Variants in ADK observed in about 807,000 individuals in gnomAD.
ADK encodes the protein adenosine kinase.
A neutral mutation model predicts 44.7 loss-of-function variants in ADK; 24 were observed. That is an observed-to-expected ratio of 0.54 (90% confidence interval 0.39 to 0.76). The LOEUF (loss-of-function observed/expected upper bound fraction) is 0.76, where lower values mean the gene tolerates loss of function less well. ADK is among the 30% of genes least tolerant of loss of function. The probability of loss-of-function intolerance (pLI) is 0.00; values close to 1 mark genes in which losing one functional copy is unlikely to be tolerated. For synonymous variants in ADK, 128 were observed against 142.6 expected, an observed-to-expected ratio of 0.90 and a Z score of 0.73; for missense variants, 321 against 425.1, an observed-to-expected ratio of 0.76 and a Z score of 2.15.
At chr10:74,513,370 T>C (rs1036402607) in intron 6 of ADK, among the ~76,000 whole-genome samples, 1 of 152,182 alleles carries the variant, frequency 6.6e-6, no homozygotes, top group Admixed American at 6.5e-5. Context: ...CCAACTGTTA[T>C]TTCACTTTAG....
chr10:74,189,552 A>C (rs1272277650), intron 1 of ADK, among the ~76,000 whole-genome samples: 1 of 152,212 alleles, frequency 6.6e-6, no homozygotes, highest in Non-Finnish European at 1.5e-5. Flanking sequence ...ATAATTTATC[A>C]ATTAGGTCAG....
chr10:74,379,468 A>G (rs1357356552), intron 4 of ADK, among the ~76,000 whole-genome samples: 4 of 152,240 alleles, frequency 2.6e-5, no homozygotes, highest in South Asian at 2.1e-4. Context: ...AAAATCCTTC[A>G]GTGACATACT....
chr10:74,288,094 T>C (rs1350762203), intron 3 of ADK, among the ~76,000 whole-genome samples: 20 of 152,100 alleles, frequency 1.3e-4, no homozygotes, highest in Admixed American at 1.3e-3. Context: ...GCAAAGACAG[T>C]ATGGCTCTTT....
At chr10:74,387,020 T>A (rs1346871687) in intron 4 of ADK, among the ~76,000 whole-genome samples, 1 of 151,756 alleles carries the variant, frequency 6.6e-6, no homozygotes, top group African/African-American at 2.4e-5. Flanking sequence ...CACTGCAGCC[T>A]CCACCTCCTG....
intron 6 of ADK, among the ~76,000 whole-genome samples, chr10:74,414,071 T>A (rs1173682636): frequency 6.6e-6 from 1 of 152,218 alleles, no homozygotes; most frequent in Non-Finnish European, 1.5e-5. Flanking sequence ...ATATCATAGA[T>A]CAGTGATCAC....
chr10:74,287,808 G>T (rs1405591145), intron 3 of ADK, among the ~76,000 whole-genome samples: 1 of 151,578 alleles, frequency 6.6e-6, no homozygotes, highest in Non-Finnish European at 1.5e-5. Flanking sequence ...TGGGCAACAT[G>T]ATGAAACTCC....
chr10:74,534,381 T>C (rs1258287243), intron 7 of ADK, among the ~76,000 whole-genome samples: 1 of 152,200 alleles, frequency 6.6e-6, no homozygotes, highest in Non-Finnish European at 1.5e-5. Context: ...ACTGCTAAAA[T>C]GAAGAAGTGC....
At chr10:74,179,978 T>A (rs370587749) in intron 1 of ADK, among the ~76,000 whole-genome samples, 1 of 152,158 alleles carries the variant, frequency 6.6e-6, no homozygotes, top group African/African-American at 2.4e-5. Flanking sequence ...ATTGACCCCC[T>A]TTTACTGATA....
chr10:74,345,215 T>G (rs897551232), intron 4 of ADK, among the ~76,000 whole-genome samples: 7 of 152,242 alleles, frequency 4.6e-5, no homozygotes, highest in Admixed American at 4.6e-4. Context: ...CCATTTCATC[T>G]AATAAATAAT....
At chr10:74,244,867 A>G (rs1052767146) in intron 3 of ADK, among the ~76,000 whole-genome samples, 2 of 152,250 alleles carry the variant, frequency 1.3e-5, no homozygotes, top group Non-Finnish European at 2.9e-5. Flanking sequence ...CCATTGAATG[A>G]CGATCCATTA....
chr10:74,664,062 T>G (rs1589348472), intron 9 of ADK, among the ~76,000 whole-genome samples: 1 of 152,200 alleles, frequency 6.6e-6, no homozygotes, highest in Non-Finnish European at 1.5e-5. Context: ...ATAATTAAAT[T>G]TAAGGTCTGT....
intron 9 of ADK, among the ~76,000 whole-genome samples, chr10:74,658,879 TACAC>T (rs567084013): frequency 2.7e-5 from 4 of 150,634 alleles, no homozygotes; most frequent in Admixed American, 6.7e-5. Flanking sequence ...TAATTCATTA[TACAC>T]ACACACACAC....
At chr10:74,373,447 A>G (rs1419244036) in intron 4 of ADK, among the ~76,000 whole-genome samples, 3 of 152,328 alleles carry the variant, frequency 2.0e-5, no homozygotes, top group African/African-American at 7.2e-5. Flanking sequence ...TATATAAAGA[A>G]TTATTTAGAC....
chr10:74,584,161 C>T (rs1319165485), intron 7 of ADK, among the ~76,000 whole-genome samples: 2 of 152,128 alleles, frequency 1.3e-5, no homozygotes, highest in Non-Finnish European at 2.9e-5. Flanking sequence ...AAGACTGCCT[C>T]CTACACATAT....
intron 3 of ADK, among the ~76,000 whole-genome samples, chr10:74,304,700 T>C (rs1840186974): frequency 6.6e-6 from 1 of 152,216 alleles, no homozygotes; most frequent in African/African-American, 2.4e-5. Context: ...TTAAAATTTG[T>C]ATAGGTTGGT....
At chr10:74,609,397 G>A (rs949896107) in intron 9 of ADK, among the ~76,000 whole-genome samples, 2 of 152,154 alleles carry the variant, frequency 1.3e-5, no homozygotes, top group African/African-American at 2.4e-5. Flanking sequence ...CCTGGTCTGC[G>A]AGTTGTGAAG....
chr10:74,493,285 G>T (rs1847551753), intron 6 of ADK, among the ~76,000 whole-genome samples: 1 of 151,882 alleles, frequency 6.6e-6, no homozygotes, highest in Non-Finnish European at 1.5e-5. Context: ...GGGATCAAGT[G>T]ATCCTCCCAC....
intron 3 of ADK, among the ~76,000 whole-genome samples, chr10:74,267,790 G>C (rs79241027): frequency 0.027 from 3,966 of 145,632 alleles, 150 homozygotes; most frequent in African/African-American, 0.081. Flanking sequence ...GTGTGTGTGT[G>C]TGTCTGTCTG....
chr10:74,209,253 G>A lies in ADK; in HGVS notation c.140+8415G>A, dbSNP rs368884198. Among the ~76,000 whole-genome samples the A allele has an allele frequency of 3.8e-4, 58 of 152,236 alleles. 2 individuals are homozygous for A. The highest frequency in any genetic ancestry group is 1.4e-3 in the African/African-American group (57 of 41,532). On this transcript the variant is annotated intron_variant, in intron 2 of 10. Transcript: ENST00000539909. ...CCTTTACATTCCTTCTGTCATGTGA[G>A]GACACAGTGTTCCTCCCCTCTGGAG... is the stretch of plus-strand genomic sequence containing the variant.
Sources: gnomAD v4.1 joint callset for allele counts (sites outside exome capture counted in the v4.1 genomes callset) on GRCh38, gnomAD v4.1.1 for gene constraint, MANE v1.5 for transcripts, NCBI Gene and HGNC (gene_info 2026-07-23, HGNC 2026-07-21) for gene names.